SULT1C2: variants seen among roughly 807,000 people sequenced by gnomAD.
The protein encoded by SULT1C2 is sulfotransferase 1C2.
A neutral mutation model predicts 36.0 loss-of-function variants in SULT1C2; 27 were observed. The observed-to-expected ratio is 0.75, with a 90% CI of 0.55 to 1.03. The LOEUF (loss-of-function observed/expected upper bound fraction) is 1.03, where lower values mean the gene tolerates loss of function less well. SULT1C2 is among the 50% of genes least tolerant of loss of function. The pLI, the probability that SULT1C2 is intolerant of heterozygous loss-of-function variation, is 0.00. For synonymous variants in SULT1C2, 121 were observed against 116.0 expected, an observed-to-expected ratio of 1.04 and a Z score of -0.27; for missense variants, 395 against 359.2, an observed-to-expected ratio of 1.10 and a Z score of -0.80.
rs72549391 is a variant in SULT1C2, at chr2:108,294,256, A to C, written c.179A>C (p.Asp60Ala). The change falls in exon 3 of 8, where the codon GAT becomes GCT. Residue 60 changes from aspartate (D) to alanine (A), a missense_variant. Asp to Ala is a moderately radical substitution (Grantham distance 126). Coordinates refer to ENST00000251481, the MANE Select transcript of SULT1C2 (RefSeq NM_001056.4). Reference sequence around the variant, plus strand: ...ACAACGTGGATTCAGGAAATTGTGGATATGATTGAACAGAATGGGGACGTG... The same window carrying C: ...ACAACGTGGATTCAGGAAATTGTGGCTATGATTGAACAGAATGGGGACGTG... ...AGTTWIQEIV[D>A]MIEQNGDVEK... The C allele has an allele frequency of 3.0e-3, 4,901 of 1,613,908 alleles. 4 individuals are homozygous for C. Among genetic ancestry groups the C allele is most frequent in the Non-Finnish European group, 3.8e-3 (4,475 of 1,179,886 alleles).
At chr2:108,303,079 A>G (rs1222906605) in intron 4 of SULT1C2, 1 of 152,272 alleles carries the variant, frequency 6.6e-6, no homozygotes, top group African/African-American at 2.4e-5. Flanking sequence ...AACCTTCTTT[A>G]CTGGTGCTTG....
chr2:108,297,503 C>T (rs549757048), intron 3 of SULT1C2, among the ~76,000 whole-genome samples: 16 of 152,240 alleles, frequency 1.1e-4, no homozygotes, highest in South Asian at 2.1e-4. Flanking sequence ...GTGCAACTGA[C>T]GAAGGCCAAA....
chr2:108,301,223 G>T (rs1676861128), intron 4 of SULT1C2: 1 of 341,300 alleles, frequency 2.9e-6, no homozygotes, highest in Non-Finnish European at 5.3e-6. Flanking sequence ...GAAGATGGTG[G>T]TCCCAGGCTG....
rs1677083838 is a variant in SULT1C2, at chr2:108,308,754, T to G, written c.*290T>G. ...AGGATTGTTTTAATCCCCATTATTCTGGAAAGTGCATCCTAGTCTCCCAGT... is the reference window on the plus strand; with the variant it reads ...AGGATTGTTTTAATCCCCATTATTCGGGAAAGTGCATCCTAGTCTCCCAGT... On this transcript the variant is annotated 3_prime_UTR_variant, in exon 8 of 8. Coordinates refer to ENST00000251481, the MANE Select transcript of SULT1C2 (RefSeq NM_001056.4). 1 of 297,668 alleles carries G rather than the reference T, an allele frequency of 3.4e-6. No homozygotes were observed. Among genetic ancestry groups the G allele is most frequent in the Non-Finnish European group, 6.2e-6 (1 of 161,286 alleles). The allele number at this position is 297,668 out of a possible 1,614,324, so 18.4% of individuals were successfully genotyped here. A position where few individuals can be genotyped will look rare whatever the true frequency, so the allele number is the denominator to read the frequency against.
rs1403784923 is a variant in SULT1C2 at position 108,294,258 on chromosome 2, A to C, written c.181A>C (p.Met61Leu). 6.2e-7 allele frequency: 1 copy of C among 1,613,984 alleles called. No homozygotes were observed. The highest frequency in any genetic ancestry group is 1.1e-5 in the South Asian group (1 of 91,038). Reference protein sequence around the residue: ...GTTWIQEIVDMIEQNGDVEKC... With the variant: ...GTTWIQEIVDLIEQNGDVEKC... The stretch of plus-strand genomic sequence containing the variant: ...AACGTGGATTCAGGAAATTGTGGAT[A>C]TGATTGAACAGAATGGGGACGTGGA... Residue 61 changes from methionine to leucine, a missense_variant, in exon 3 of 8, where the codon ATG becomes CTG. By Grantham distance (15) the Met-to-Leu change is conservative. Transcript: ENST00000251481.
chr2:108,307,984 C>G (rs79811736), intron 7 of SULT1C2, among the ~76,000 whole-genome samples: 6,845 of 152,236 alleles, frequency 0.045, 162 homozygotes, highest in East Asian at 0.092. Flanking sequence ...TCCTGTGTCT[C>G]GTGTCTTTTG....
chr2:108,301,708 T>G (rs1338120335), intron 4 of SULT1C2: 1 of 152,270 alleles, frequency 6.6e-6, no homozygotes. Flanking sequence ...TTTATTCGTA[T>G]GCACCCCAGT....
At chr2:108,293,233 G>T (rs1483716986) in intron 1 of SULT1C2, among the ~76,000 whole-genome samples, 2 of 150,764 alleles carry the variant, frequency 1.3e-5, no homozygotes, top group South Asian at 4.2e-4. Flanking sequence ...GTGAACTAGG[G>T]AAGGAAATCC....
chr2:108,305,044 A>AC, intron 5 of SULT1C2, 128 bp from the exon 6 acceptor site: 3 of 1,034,270 alleles, frequency 2.9e-6, no homozygotes, highest in Non-Finnish European at 4.3e-6. Context: ...ACAGATCAGA[A>AC]CCCTTAGGAC....
Position 108,308,618 on chromosome 2 carries a change from T to TG in SULT1C2, c.*154_*155insG. 1.7e-6 allele frequency: 1 copy of TG among 587,522 alleles called. No homozygotes were observed. Among genetic ancestry groups the TG allele is most frequent in the South Asian group, 3.3e-5 (1 of 30,436 alleles). The allele number at this position is 587,522 out of a possible 1,614,324, so 36.4% of individuals were successfully genotyped here. The stretch of plus-strand genomic sequence containing the variant: ...GTGATGATTAACAGTATGTCACCAC[T>TG]TCATTTTTTAAAAAGGATCACGTCT... On this transcript the variant is annotated 3_prime_UTR_variant, in exon 8 of 8. Transcript: ENST00000251481.
chr2:108,300,117 G>C (rs1676834869), intron 3 of SULT1C2: 2 of 152,326 alleles, frequency 1.3e-5, no homozygotes, highest in African/African-American at 4.8e-5. Flanking sequence ...CGTGGCTCAT[G>C]TCTGTAATCC....
rs1246481347 is a variant in SULT1C2 at position 108,293,805 on chromosome 2, C to G, written c.138C>G (p.Thr46=). The change falls in exon 2 of 8, where the codon ACC becomes ACG. Residue 46 remains threonine, a synonymous_variant. Coordinates refer to ENST00000251481, the MANE Select transcript of SULT1C2 (RefSeq NM_001056.4). ...EAKPDDLLIC[T]YPKAGTTWIQ... ...AACCAGATGATCTCCTCATCTGCAC[C>G]TACCCTAAAGCAGGTGATTGCAGGG... 1 of 1,613,994 alleles carries G rather than the reference C, an allele frequency of 6.2e-7. No individual in the cohort carries two copies. Among genetic ancestry groups the G allele is most frequent in the South Asian group, 1.1e-5 (1 of 91,040 alleles).
At chr2:108,305,709 A>G (rs1677008202) in intron 7 of SULT1C2, 114 bp downstream of exon 7, 2 of 1,292,878 alleles carry the variant, frequency 1.5e-6, no homozygotes, top group Non-Finnish European at 2.2e-6. Context: ...AACTATTCCT[A>G]ATATGTGTTT....
chr2:108,298,255 ATAAGCTCTGCTATT>A (rs2104417355), intron 3 of SULT1C2, among the ~76,000 whole-genome samples: 1 of 152,358 alleles, frequency 6.6e-6, no homozygotes, highest in South Asian at 2.1e-4. Context: ...TTTCAGCTAT[ATAAGCTCTGCTATT>A]TAACCCTACT....
chr2:108,305,752 A>C, intron 7 of SULT1C2, 157 bp downstream of exon 7: 1 of 944,558 alleles, frequency 1.1e-6, no homozygotes, highest in Non-Finnish European at 1.6e-6. Flanking sequence ...CCTGTTGTAG[A>C]AGAGAGCTTT....
rs542925287 is a variant in SULT1C2 at position 108,309,773 on chromosome 2, A to G, written c.*1309A>G. The G allele has an allele frequency of 2.0e-5, 3 of 151,140 alleles. No individual in the cohort carries two copies. The highest frequency in any genetic ancestry group is 4.4e-5 in the Non-Finnish European group (3 of 67,646). The allele number at this position is 151,140 out of a possible 1,614,324, so 9.4% of individuals were successfully genotyped here. ...AAGAGAAAAAAAAAAGGAAAAAAAG[A>G]AAAGAAAAGTGAAAAGAAAAACTCT... is the stretch of plus-strand genomic sequence containing the variant. On this transcript the variant is annotated 3_prime_UTR_variant, in exon 8 of 8. Coordinates refer to ENST00000251481, the MANE Select transcript of SULT1C2 (RefSeq NM_001056.4).
chr2:108,296,459 G>GC lies in SULT1C2; in HGVS notation c.277+2105_277+2106insC, dbSNP rs113501415. On this transcript the variant is annotated intron_variant, in intron 3 of 7. Coordinates refer to ENST00000251481, the MANE Select transcript of SULT1C2 (RefSeq NM_001056.4). ...CAGCTGTGCAGTGGTCGTTTGTTTG[G>GC]TTTTTTTTTTGAGACAAAGTCTGGC... 2.0e-5 allele frequency among the ~76,000 whole-genome samples: 3 copies of GC among 150,048 alleles called. No homozygotes were observed. In the East Asian group the frequency reaches 5.9e-4, roughly 29 times the overall value.
chr2:108,303,453 C>T (rs1417262958), intron 4 of SULT1C2: 1 of 152,328 alleles, frequency 6.6e-6, no homozygotes, highest in East Asian at 1.9e-4. Flanking sequence ...CCAGTTTGAA[C>T]CACTGGAGCA....
At chr2:108,306,565 C>G (rs921915933) in intron 7 of SULT1C2, among the ~76,000 whole-genome samples, 1 of 152,162 alleles carries the variant, frequency 6.6e-6, no homozygotes, top group Non-Finnish European at 1.5e-5. Flanking sequence ...GACCTTGCCA[C>G]TGTACTCCAG....
Sources: gnomAD v4.1 joint callset for allele counts (sites outside exome capture counted in the v4.1 genomes callset) on GRCh38, gnomAD v4.1.1 for gene constraint, MANE v1.5 for transcripts, NCBI Gene and HGNC (gene_info 2026-07-23, HGNC 2026-07-21) for gene names.